The following RAB2A variants were observed in gnomAD, a reference collection of about 807,000 sequenced individuals.
RAB2A encodes the protein ras-related protein Rab-2A.
A neutral mutation model predicts 32.5 loss-of-function variants in RAB2A; 7 were observed. The observed-to-expected ratio is 0.22, with a 90% CI of 0.12 to 0.40. The LOEUF is 0.40. RAB2A is among the 10% of genes least tolerant of loss of function. The pLI is 1.00. For synonymous variants in RAB2A, 79 were observed against 85.2 expected, an observed-to-expected ratio of 0.93 and a Z score of 0.40; for missense variants, 108 against 260.7, an observed-to-expected ratio of 0.41 and a Z score of 4.03.
At chr8:60,603,112 T>A (rs1169951097) in intron 6 of RAB2A, among the ~76,000 whole-genome samples, 1 of 152,358 alleles carries the variant, frequency 6.6e-6, no homozygotes, top group African/African-American at 2.4e-5. Context: ...TTTTATAATC[T>A]GTTGAGAATT....
chr8:60,548,823 C>T (rs1014879390), intron 1 of RAB2A, among the ~76,000 whole-genome samples: 2 of 150,844 alleles, frequency 1.3e-5, no homozygotes, highest in African/African-American at 4.9e-5. Context: ...GGGGGCTGAC[C>T]CCCCCACCTC....
chr8:60,533,718 C>G (rs956168867), intron 1 of RAB2A, among the ~76,000 whole-genome samples: 7 of 152,066 alleles, frequency 4.6e-5, no homozygotes, highest in African/African-American at 1.7e-4. Context: ...CATCTGTAAT[C>G]CCAGCATTTT....
At chr8:60,607,103 T>C (rs2150435275) in intron 6 of RAB2A, among the ~76,000 whole-genome samples, 1 of 151,950 alleles carries the variant, frequency 6.6e-6, no homozygotes, top group Non-Finnish European at 1.5e-5. Context: ...TTTTCTTTTT[T>C]TCGGGTCAAT....
chr8:60,537,141 A>G (rs1462800325), intron 1 of RAB2A, among the ~76,000 whole-genome samples: 10 of 152,220 alleles, frequency 6.6e-5, no homozygotes. Context: ...ATTGCAATCT[A>G]GGATTCATGT....
intron 1 of RAB2A, among the ~76,000 whole-genome samples, chr8:60,547,798 C>T (rs1807764499): frequency 8.1e-6 from 1 of 124,210 alleles, no homozygotes; most frequent in Non-Finnish European, 1.7e-5. Context: ...GCGCCCCTCA[C>T]TTCCCGGATG....
At chr8:60,592,400 A>G (rs1453828064) in intron 6 of RAB2A, among the ~76,000 whole-genome samples, 1 of 152,188 alleles carries the variant, frequency 6.6e-6, no homozygotes, top group Non-Finnish European at 1.5e-5. Flanking sequence ...CATGGTAGGG[A>G]AATCTTTTTT....
chr8:60,605,767 C>T (rs1195768255), intron 6 of RAB2A, among the ~76,000 whole-genome samples: 1 of 150,758 alleles, frequency 6.6e-6, no homozygotes, highest in Non-Finnish European at 1.5e-5. Flanking sequence ...ATGCCTGTGT[C>T]CCCATTGTAT....
chr8:60,615,381 A>G (rs530116035), intron 6 of RAB2A, among the ~76,000 whole-genome samples: 42 of 152,326 alleles, frequency 2.8e-4, no homozygotes, highest in African/African-American at 9.4e-4. Flanking sequence ...TGTGAAGAAC[A>G]TTAGTACTGC....
Position 60,622,229 on chromosome 8 carries a change from A to T in RAB2A, c.*1460A>T, listed in dbSNP as rs920562790. 6.6e-6 allele frequency: 1 copy of T among 152,252 alleles called. No homozygotes were observed. The highest frequency in any genetic ancestry group is 1.5e-5 in the Non-Finnish European group (1 of 68,038). 9.4% of individuals were successfully genotyped at this position (152,252 alleles called of 1,614,324 possible). A position where few individuals can be genotyped will look rare whatever the true frequency, so the allele number is the denominator to read the frequency against. Reference sequence around the variant, plus strand: ...CTCCTGAACTAGCACAAAAGCACTTATGCCTGAAAGAAAGCATAAAGAAGT... The same window carrying T: ...CTCCTGAACTAGCACAAAAGCACTTTTGCCTGAAAGAAAGCATAAAGAAGT... On this transcript the variant is annotated 3_prime_UTR_variant, in exon 8 of 8. Transcript: ENST00000262646.
intron 6 of RAB2A, among the ~76,000 whole-genome samples, chr8:60,618,317 T>A (rs910561683): frequency 5.3e-5 from 8 of 152,232 alleles, no homozygotes; most frequent in Non-Finnish European, 1.2e-4. Context: ...CTATTTCGAC[T>A]TGAGTGTTTT....
At chr8:60,574,244 G>A (rs1808237293) in intron 3 of RAB2A, among the ~76,000 whole-genome samples, 1 of 152,150 alleles carries the variant, frequency 6.6e-6, no homozygotes, top group Admixed American at 6.5e-5. Context: ...TATGTCTCCT[G>A]TAGTTCTGAT....
chr8:60,576,615 T>C (rs1325725971), intron 3 of RAB2A, among the ~76,000 whole-genome samples: 28 of 152,204 alleles, frequency 1.8e-4, no homozygotes, highest in East Asian at 1.9e-4. Flanking sequence ...GCATTTTTTT[T>C]CTCCTTTGAA....
At chr8:60,559,184 T>G (rs1807982871) in intron 2 of RAB2A, 1 of 346,532 alleles carries the variant, frequency 2.9e-6, no homozygotes, top group Non-Finnish European at 5.4e-6. Context: ...TGAAACAATT[T>G]AAGAGACAGT....
intron 6 of RAB2A, among the ~76,000 whole-genome samples, chr8:60,610,792 A>T (rs550846807): frequency 6.6e-6 from 1 of 152,212 alleles, no homozygotes; most frequent in Non-Finnish European, 1.5e-5. Context: ...AAATTATGCT[A>T]ATAAATGCAT....
intron 6 of RAB2A, among the ~76,000 whole-genome samples, chr8:60,599,478 A>G (rs558053287): frequency 1.3e-5 from 2 of 152,202 alleles, no homozygotes; most frequent in Non-Finnish European, 2.9e-5. Flanking sequence ...AAAGTAGCTG[A>G]CACAGCTTAG....
intron 1 of RAB2A, among the ~76,000 whole-genome samples, chr8:60,546,553 T>C (rs1439371385): frequency 6.6e-6 from 1 of 152,230 alleles, no homozygotes; most frequent in Non-Finnish European, 1.5e-5. Context: ...CATGGACATC[T>C]AGAGGAAACT....
At chr8:60,567,783 T>G (rs1345730088) in intron 2 of RAB2A, among the ~76,000 whole-genome samples, 4 of 151,886 alleles carry the variant, frequency 2.6e-5, no homozygotes, top group Non-Finnish European at 5.9e-5. Flanking sequence ...ATTGTTAAAT[T>G]ATTTTGCATG....
intron 6 of RAB2A, among the ~76,000 whole-genome samples, chr8:60,593,341 T>G (rs1314182884): frequency 6.6e-6 from 1 of 152,148 alleles, no homozygotes; most frequent in Non-Finnish European, 1.5e-5. Context: ...TCCCTTGGTT[T>G]TCTTTTTGCC....
rs535039463 is a variant in RAB2A, at chr8:60,590,586, T to A, written c.363-1272T>A. Among the ~76,000 whole-genome samples, 449 of 109,648 alleles carry A rather than the reference T, an allele frequency of 4.1e-3. 11 individuals carry two copies. In the East Asian group the frequency reaches 0.11, roughly 26 times the overall value. 71.9% of individuals were successfully genotyped at this position (109,648 alleles called of 152,430 possible). A position where few individuals can be genotyped will look rare whatever the true frequency, so the allele number is the denominator to read the frequency against. ...ATACATATATTTTAATATATGTATTTTATATATATATAATACATATATATA... is the reference window on the plus strand; with the variant it reads ...ATACATATATTTTAATATATGTATTATATATATATATAATACATATATATA... On this transcript the variant is annotated intron_variant, in intron 5 of 7. Transcript: ENST00000262646.
Sources: allele counts gnomAD v4.1 joint callset (sites outside exome capture counted in the v4.1 genomes callset), GRCh38; gene constraint gnomAD v4.1.1; transcripts MANE v1.5; gene names NCBI Gene and HGNC (gene_info 2026-07-23, HGNC 2026-07-21).